MCCD1: variants seen among roughly 807,000 people sequenced by gnomAD.
MCCD1 encodes mitochondrial coiled-coil domain protein 1.
In MCCD1, 5 loss-of-function variants were observed where a neutral mutation model predicts 5.6. That is an observed-to-expected ratio of 0.89 (90% CI 0.46 to 1.87). The LOEUF (loss-of-function observed/expected upper bound fraction) is 1.87. Among genes scored for constraint, MCCD1 ranks in the 40% most tolerant of loss-of-function variants. The pLI is 0.01. For synonymous variants in MCCD1, 70 were observed against 57.3 expected (o/e 1.22, Z -1.00); for missense variants, 178 against 141.8 (o/e 1.26, Z -1.30).
chr6:31,530,085 A>G lies in MCCD1; in HGVS notation c.*150A>G. 1 of 1,377,160 alleles carries G rather than the reference A, an allele frequency of 7.3e-7. No homozygotes were observed. Among genetic ancestry groups the G allele is most frequent in the Non-Finnish European group, 9.6e-7 (1 of 1,045,320 alleles). 85.3% of individuals were successfully genotyped at this position (1,377,160 alleles called of 1,614,324 possible). ...GCAGGCAATTGGCAGGCAGTGGGGGAGCCAGGGCTCTGCAGTCTTAGTCCC... is the reference window on the plus strand; with the variant it reads ...GCAGGCAATTGGCAGGCAGTGGGGGGGCCAGGGCTCTGCAGTCTTAGTCCC... On this transcript the variant is annotated 3_prime_UTR_variant, in exon 2 of 2. Transcript: ENST00000376191. The surrounding 1 kb of genome is among the most constrained non-coding windows in gnomAD (Gnocchi z 4.5).
chr6:31,529,289 C>G, intron 1 of MCCD1, 104 bp downstream of exon 1: 2 of 1,191,572 alleles, frequency 1.7e-6, no homozygotes, highest in Non-Finnish European at 1.2e-6. Flanking sequence ...ACCATGCCTA[C>G]CCCTGCAGCT....
intron 1 of MCCD1, 71 bp from the exon 2 acceptor site, chr6:31,529,676 C>T: frequency 7.3e-7 from 1 of 1,376,476 alleles, no homozygotes; most frequent in Non-Finnish European, 9.5e-7. Flanking sequence ...CAGCCACAGC[C>T]TGCAACAAAG....
intron 1 of MCCD1, 87 bp downstream of exon 1, chr6:31,529,272 AC>A (rs892299365): frequency 1.5e-6 from 2 of 1,333,814 alleles, no homozygotes; most frequent in Non-Finnish European, 2.1e-6. Context: ...ACCCTGCACC[AC>A]CCCACACCAT....
Position 31,529,204 on chromosome 6 carries a change from AG to A in MCCD1, c.171+21del, listed in dbSNP as rs1364809869. 2 of 1,610,306 alleles carry A rather than the reference AG, an allele frequency of 1.2e-6. No homozygotes were observed. The highest frequency in any genetic ancestry group is 1.3e-5 in the African/African-American group (1 of 74,790). ...TCCCAGGGTAAGTGGCACCACAGGT[AG>A]GAACAGAGGGTGTGAGAATTTACAC... is the stretch of plus-strand genomic sequence containing the variant. On this transcript the variant is annotated intron_variant, in intron 1 of 1. Coordinates refer to ENST00000376191, the MANE Select transcript of MCCD1 (RefSeq NM_001011700.3).
Position 31,530,129 on chromosome 6 carries a change from A to C in MCCD1, c.*194A>C, listed in dbSNP as rs887781583. 4 of 1,159,470 alleles carry C rather than the reference A, an allele frequency of 3.4e-6. No individual in the cohort carries two copies. The highest frequency in any genetic ancestry group is 3.1e-5 in the African/African-American group (2 of 63,898). The allele number at this position is 1,159,470 out of a possible 1,614,324, so 71.8% of individuals were successfully genotyped here. A position where few individuals can be genotyped will look rare whatever the true frequency, so the allele number is the denominator to read the frequency against. ...TAGTCCCATTCCCCTTTGATCTCAC[A>C]GCAGGCAGGGCACCCAGGCCTTATA... is the stretch of plus-strand genomic sequence containing the variant. On this transcript the variant is annotated 3_prime_UTR_variant, in exon 2 of 2. Coordinates refer to ENST00000376191, the MANE Select transcript of MCCD1 (RefSeq NM_001011700.3). This position sits in a 1 kb window ranked among gnomAD's most constrained non-coding sequence, Gnocchi z 4.5.
chr6:31,530,048 A>G lies in MCCD1; in HGVS notation c.*113A>G. ...CTTCCCAGGCCAGAGAAAGTGGAAG[A>G]GACCACAAAGCGCAGGCAATTGGCA... On this transcript the variant is annotated 3_prime_UTR_variant, in exon 2 of 2. Coordinates refer to ENST00000376191, the MANE Select transcript of MCCD1 (RefSeq NM_001011700.3). This position sits in a 1 kb window ranked among gnomAD's most constrained non-coding sequence, Gnocchi z 4.5. 7.0e-7 allele frequency: 1 copy of G among 1,425,012 alleles called. No individual in the cohort carries two copies. Among genetic ancestry groups the G allele is most frequent in the Non-Finnish European group, 9.2e-7 (1 of 1,086,194 alleles). The allele number at this position is 1,425,012 out of a possible 1,614,324, so 88.3% of individuals were successfully genotyped here. A position where few individuals can be genotyped will look rare whatever the true frequency, so the allele number is the denominator to read the frequency against.
rs1254070741 is a variant in MCCD1, at chr6:31,530,207, G to A, written c.*272G>A. The stretch of plus-strand genomic sequence containing the variant: ...ATAACCTCACCCCAAATACAATAAA[G>A]GGACGAAGCACTTATAGATACCACA... On this transcript the variant is annotated 3_prime_UTR_variant, in exon 2 of 2. Coordinates refer to ENST00000376191, the MANE Select transcript of MCCD1 (RefSeq NM_001011700.3). This position sits in a 1 kb window ranked among gnomAD's most constrained non-coding sequence, Gnocchi z 4.5. The A allele has an allele frequency of 7.8e-6, 6 of 772,932 alleles. No individual in the cohort carries two copies. Among genetic ancestry groups the A allele is most frequent in the African/African-American group, 5.3e-5 (3 of 56,670 alleles). 47.9% of individuals were successfully genotyped at this position (772,932 alleles called of 1,614,324 possible).
In MCCD1 at chr6:31,529,787, AAG is replaced by A. The variant is rs748584027; in HGVS notation, c.215_216del (p.Glu72ValfsTer14). The A allele has an allele frequency of 1.9e-6, 3 of 1,570,728 alleles. No homozygotes were observed. Among genetic ancestry groups the A allele is most frequent in the Non-Finnish European group, 1.7e-6 (2 of 1,154,866 alleles). ...CGCACAGCTGAGCTGGCCCGAGCTG[AAG>A]AGTTGTTGGAGCAGCAGCTGGAGCT... On this transcript the variant is annotated frameshift_variant, in exon 2 of 2. Transcript: ENST00000376191. LOFTEE classifies it low-confidence loss of function (END_TRUNC).
chr6:31,529,308 A>G, intron 1 of MCCD1, 123 bp downstream of exon 1: 1 of 1,107,398 alleles, frequency 9.0e-7, no homozygotes, highest in Non-Finnish European at 1.3e-6. Flanking sequence ...CTCTTTTCTT[A>G]GTTCAGCTAC....
At position 31,530,046 on chromosome 6, in the gene MCCD1, A is replaced by G. The variant is rs1479161967; in HGVS notation, c.*111A>G. On this transcript the variant is annotated 3_prime_UTR_variant, in exon 2 of 2. Transcript: ENST00000376191. The surrounding 1 kb of genome is among the most constrained non-coding windows in gnomAD (Gnocchi z 4.5). ...GTCTTCCCAGGCCAGAGAAAGTGGAAGAGACCACAAAGCGCAGGCAATTGG... is the reference window on the plus strand; with the variant it reads ...GTCTTCCCAGGCCAGAGAAAGTGGAGGAGACCACAAAGCGCAGGCAATTGG... 2 of 1,426,222 alleles carry G rather than the reference A, an allele frequency of 1.4e-6. No homozygotes were observed. Among genetic ancestry groups the G allele is most frequent in the Non-Finnish European group, 1.8e-6 (2 of 1,086,962 alleles). 88.3% of individuals were successfully genotyped at this position (1,426,222 alleles called of 1,614,324 possible). A position where few individuals can be genotyped will look rare whatever the true frequency, so the allele number is the denominator to read the frequency against.
At chr6:31,529,657 T>G in intron 1 of MCCD1, 90 bp from the exon 2 acceptor site, 1 of 1,333,508 alleles carries the variant, frequency 7.5e-7, no homozygotes, top group East Asian at 2.9e-5. Context: ...AGGTGGAATT[T>G]CTCACTTCCA....
At position 31,529,957 on chromosome 6, in the gene MCCD1, A is replaced by G; in HGVS notation, c.*22A>G. Reference sequence around the variant, plus strand: ...CTAAGTTTCCCCCAGTGCCCACAGCACCCTCCGGCGCTGAAAATACACGCA... The same window carrying G: ...CTAAGTTTCCCCCAGTGCCCACAGCGCCCTCCGGCGCTGAAAATACACGCA... On this transcript the variant is annotated 3_prime_UTR_variant, in exon 2 of 2. Transcript: ENST00000376191. 1 of 1,471,982 alleles carries G rather than the reference A, an allele frequency of 6.8e-7. No individual in the cohort carries two copies. Among genetic ancestry groups the G allele is most frequent in the Non-Finnish European group, 9.1e-7 (1 of 1,104,704 alleles). The allele number at this position is 1,471,982 out of a possible 1,614,324, so 91.2% of individuals were successfully genotyped here. A position where few individuals can be genotyped will look rare whatever the true frequency, so the allele number is the denominator to read the frequency against.
intron 1 of MCCD1, 63 bp from the exon 2 acceptor site, chr6:31,529,682 CAA>C: frequency 7.2e-7 from 1 of 1,379,350 alleles, no homozygotes; most frequent in African/African-American, 1.5e-5. Flanking sequence ...CAGCCTGCAA[CAA>C]AGCTTCCCAG....
In MCCD1 at chr6:31,529,827, C is replaced by T; in HGVS notation, c.252C>T (p.Leu84=). The T allele has an allele frequency of 6.3e-7, 1 of 1,598,714 alleles. No homozygotes were observed. The highest frequency in any genetic ancestry group is 1.1e-5 in the South Asian group (1 of 88,698). The part of the protein sequence containing the change: ...LEQQLELYQA[L]LEGQEGAWEA... ...AGCAGCTGGAGCTGTACCAGGCCCT[C>T]CTTGAAGGGCAGGAGGGAGCCTGGG... Residue 84 remains leucine, a synonymous_variant, in exon 2 of 2, where the codon CTC becomes CTT. Coordinates refer to ENST00000376191, the MANE Select transcript of MCCD1 (RefSeq NM_001011700.3).
chr6:31,530,018 A>C lies in MCCD1; in HGVS notation c.*83A>C. The C allele has an allele frequency of 1.4e-6, 2 of 1,429,276 alleles. No homozygotes were observed. Among genetic ancestry groups the C allele is most frequent in the Admixed American group, 6.0e-5 (2 of 33,506 alleles). The allele number at this position is 1,429,276 out of a possible 1,614,324, so 88.5% of individuals were successfully genotyped here. ...GGAGCCTTGGGATCATAAACACCCC[A>C]GCGTCTTCCCAGGCCAGAGAAAGTG... On this transcript the variant is annotated 3_prime_UTR_variant, in exon 2 of 2. Transcript: ENST00000376191. The surrounding 1 kb of genome is among the most constrained non-coding windows in gnomAD (Gnocchi z 4.5).
intron 1 of MCCD1, 143 bp downstream of exon 1, chr6:31,529,328 TC>T: frequency 2.2e-6 from 2 of 905,546 alleles, no homozygotes; most frequent in Non-Finnish European, 3.2e-6. Context: ...CCAACTCCTC[TC>T]CCCACCTCCC....
At position 31,530,093 on chromosome 6, in the gene MCCD1, C is replaced by A; in HGVS notation, c.*158C>A. 2 of 1,344,058 alleles carry A rather than the reference C, an allele frequency of 1.5e-6. No homozygotes were observed. Among genetic ancestry groups the A allele is most frequent in the Non-Finnish European group, 2.0e-6 (2 of 1,015,684 alleles). The allele number at this position is 1,344,058 out of a possible 1,614,324, so 83.3% of individuals were successfully genotyped here. A position where few individuals can be genotyped will look rare whatever the true frequency, so the allele number is the denominator to read the frequency against. On this transcript the variant is annotated 3_prime_UTR_variant, in exon 2 of 2. Transcript: ENST00000376191. The surrounding 1 kb of genome is among the most constrained non-coding windows in gnomAD (Gnocchi z 4.5). ...TTGGCAGGCAGTGGGGGAGCCAGGG[C>A]TCTGCAGTCTTAGTCCCATTCCCCT...
chr6:31,529,232 GGGGTGT>G, intron 1 of MCCD1, 47 bp downstream of exon 1: 1 of 1,577,802 alleles, frequency 6.3e-7, no homozygotes, highest in Non-Finnish European at 8.6e-7. Flanking sequence ...AATTTACACT[GGGGTGT>G]GGGAAAAAAA....
intron 1 of MCCD1, 73 bp from the exon 2 acceptor site, chr6:31,529,674 G>A (rs1026325844): frequency 4.4e-6 from 6 of 1,372,668 alleles, no homozygotes; most frequent in Non-Finnish European, 5.7e-6. Context: ...TCCAGCCACA[G>A]CCTGCAACAA....
Sources: allele counts gnomAD v4.1 joint callset, GRCh38; gene constraint gnomAD v4.1.1; non-coding constraint Gnocchi (gnomAD v3.1); transcripts MANE v1.5; gene names NCBI Gene and HGNC (gene_info 2026-07-23, HGNC 2026-07-21).